MMP17: variants seen among roughly 807,000 people sequenced by gnomAD.
MMP17 encodes the protein matrix metallopeptidase 17, also known as matrix metalloproteinase-17.
Under a neutral mutation model 49.1 loss-of-function variants are expected in MMP17, and 54 were observed. That is an observed-to-expected ratio of 1.10 (90% confidence interval 0.88 to 1.38). The LOEUF (loss-of-function observed/expected upper bound fraction) is 1.38. Ranked by LOEUF, MMP17 falls within the 40% of genes most tolerant of loss-of-function variation. The probability of loss-of-function intolerance (pLI) is 0.00; values close to 1 mark genes in which losing one functional copy is unlikely to be tolerated. For synonymous variants in MMP17, 397 were observed against 383.1 expected, an observed-to-expected ratio of 1.04 and a Z score of -0.42; for missense variants, 837 against 853.7, an observed-to-expected ratio of 0.98 and a Z score of 0.24.
intron 1 of MMP17, among the ~76,000 whole-genome samples, chr12:131,834,389 G>A (rs899742060): frequency 1.3e-5 from 2 of 152,220 alleles, no homozygotes; most frequent in African/African-American, 4.8e-5. Flanking sequence ...CCTGGAGACA[G>A]CGGTCTCCGT....
chr12:131,843,674 C>A (rs1887540588), intron 5 of MMP17, among the ~76,000 whole-genome samples: 1 of 152,200 alleles, frequency 6.6e-6, no homozygotes. Flanking sequence ...GGGTTGTCAC[C>A]CCTGTTGGCT....
chr12:131,829,951 C>T (rs946862175), intron 1 of MMP17, among the ~76,000 whole-genome samples: 2 of 152,242 alleles, frequency 1.3e-5, no homozygotes, highest in African/African-American at 4.8e-5. Context: ...TTGGGGTGCC[C>T]CCCTCCACCT....
chr12:131,835,555 A>G (rs944506183), intron 1 of MMP17, among the ~76,000 whole-genome samples: 1 of 152,084 alleles, frequency 6.6e-6, no homozygotes, highest in African/African-American at 2.4e-5. Flanking sequence ...TAAATGGGCC[A>G]CTCAGTGCAG....
chr12:131,840,736 G>A lies in MMP17; in HGVS notation c.586G>A (p.Asp196Asn), dbSNP rs748328402. Residue 196 changes from aspartate to asparagine, a missense_variant, in exon 4 of 10, where the codon GAC becomes AAC. Asp to Asn is a conservative substitution (Grantham distance 23). Coordinates refer to ENST00000360564, the MANE Select transcript of MMP17 (RefSeq NM_016155.7). The part of the protein sequence containing the change: ...QIDFSKADHN[D>N]GYPFDGPGGT... ...CGACTTCTCCAAGGCCGACCATAAC[G>A]ACGGCTACCCCTTCGACGGCCCCGG... The A allele has an allele frequency of 3.1e-6, 5 of 1,604,508 alleles. No individual in the cohort carries two copies. The highest frequency in any genetic ancestry group is 1.1e-5 in the South Asian group (1 of 91,090).
chr12:131,848,737 G>A (rs975176026), intron 8 of MMP17, among the ~76,000 whole-genome samples: 3 of 152,182 alleles, frequency 2.0e-5, no homozygotes, highest in Non-Finnish European at 4.4e-5. Context: ...TCATACACGC[G>A]GTGGCACGTG....
chr12:131,838,457 T>C, intron 2 of MMP17, 130 bp downstream of exon 2: 1 of 1,455,598 alleles, frequency 6.9e-7, no homozygotes, highest in Non-Finnish European at 9.1e-7. Context: ...CTGGTGTAGC[T>C]CAGAGCCTGG....
intron 8 of MMP17, among the ~76,000 whole-genome samples, chr12:131,847,011 G>T (rs1410314111): frequency 6.6e-6 from 1 of 151,924 alleles, no homozygotes; most frequent in East Asian, 1.9e-4. Context: ...TACCTGGGAG[G>T]CTGAGGCAGG....
At chr12:131,848,877 T>G (rs1349141440) in intron 8 of MMP17, among the ~76,000 whole-genome samples, 1 of 152,216 alleles carries the variant, frequency 6.6e-6, no homozygotes, top group Non-Finnish European at 1.5e-5. Context: ...AGCGTGAGTG[T>G]GCAAACGTCT....
chr12:131,843,716 G>A (rs1487842184), intron 5 of MMP17, among the ~76,000 whole-genome samples: 4 of 152,222 alleles, frequency 2.6e-5, no homozygotes, highest in Admixed American at 6.5e-5. Context: ...GCTGGTGTAC[G>A]AGCTCCTGTG....
chr12:131,849,572 G>A (rs570947517), intron 8 of MMP17, among the ~76,000 whole-genome samples: 135 of 152,318 alleles, frequency 8.9e-4, no homozygotes, highest in African/African-American at 3.0e-3. Flanking sequence ...AGGGGTGGCC[G>A]GCAGCGTCCA....
chr12:131,841,856 C>T (rs1887433416), intron 5 of MMP17, 56 bp downstream of exon 5: 1 of 1,498,124 alleles, frequency 6.7e-7, no homozygotes, highest in South Asian at 1.3e-5. Flanking sequence ...TCAGAAACCC[C>T]AGGCACCCCT....
At chr12:131,829,817 T>C (rs1371209183) in intron 1 of MMP17, among the ~76,000 whole-genome samples, 1 of 152,218 alleles carries the variant, frequency 6.6e-6, no homozygotes, top group Admixed American at 6.5e-5. Context: ...GAAGCCGATT[T>C]GGCCACCGTT....
intron 1 of MMP17, among the ~76,000 whole-genome samples, chr12:131,833,270 A>G (rs976061778): frequency 6.6e-6 from 1 of 152,244 alleles, no homozygotes; most frequent in South Asian, 2.1e-4. Flanking sequence ...GTGCTGGATA[A>G]CTGTTGGCTG....
At chr12:131,849,041 C>T (rs77140639) in intron 8 of MMP17, among the ~76,000 whole-genome samples, 27,159 of 152,210 alleles carry the variant, frequency 0.18, 2,718 homozygotes, top group Non-Finnish European at 0.22. Context: ...CAGCGCCCGG[C>T]TCTGCCGTCC....
chr12:131,838,340 G>A lies in MMP17; in HGVS notation c.292+13G>A, dbSNP rs2136319488. On this transcript the variant is annotated intron_variant, in intron 2 of 9. Transcript: ENST00000360564. Reference sequence around the variant, plus strand: ...ACCGGCATCCTGGGTCAGTTCTCCAGGGGGCAGCGGGAGCGCCGTGGCCCC... The same window carrying A: ...ACCGGCATCCTGGGTCAGTTCTCCAAGGGGCAGCGGGAGCGCCGTGGCCCC... 6.2e-7 allele frequency: 1 copy of A among 1,610,520 alleles called. No homozygotes were observed. Among genetic ancestry groups the A allele is most frequent in the Non-Finnish European group, 8.5e-7 (1 of 1,179,122 alleles).
intron 8 of MMP17, among the ~76,000 whole-genome samples, chr12:131,845,711 C>A (rs559629616): frequency 3.3e-5 from 5 of 152,154 alleles, no homozygotes. Flanking sequence ...ACAGTCCACC[C>A]GCAAGTCAGG....
At chr12:131,838,076 TG>T in intron 1 of MMP17, 118 bp from the exon 2 acceptor site, 1 of 1,292,770 alleles carries the variant, frequency 7.7e-7, no homozygotes, top group Admixed American at 2.3e-5. Flanking sequence ...AGGTGCCTTG[TG>T]GGCAGATAGG....
intron 1 of MMP17, among the ~76,000 whole-genome samples, chr12:131,831,197 A>G (rs1886777140): frequency 6.6e-6 from 1 of 152,130 alleles, no homozygotes; most frequent in East Asian, 1.9e-4. Flanking sequence ...GTGTCTCGGG[A>G]TCTGGGTCCT....
chr12:131,843,095 C>G (rs934208342), intron 5 of MMP17, among the ~76,000 whole-genome samples: 1 of 151,958 alleles, frequency 6.6e-6, no homozygotes, highest in Non-Finnish European at 1.5e-5. Flanking sequence ...TTCCGAGTAG[C>G]TGGGACTACA....
Sources: allele counts gnomAD v4.1 joint callset (sites outside exome capture counted in the v4.1 genomes callset), GRCh38; gene constraint gnomAD v4.1.1; transcripts MANE v1.5; gene names NCBI Gene and HGNC (gene_info 2026-07-23, HGNC 2026-07-21).